The following DSCAM variants were observed in gnomAD, a reference collection of about 807,000 sequenced individuals.
DSCAM encodes cell adhesion molecule DSCAM.
A neutral mutation model predicts 217.7 loss-of-function variants in DSCAM; 47 were observed. That is an observed-to-expected ratio of 0.22 (90% CI 0.17 to 0.28). The LOEUF (loss-of-function observed/expected upper bound fraction) is 0.28. DSCAM is among the 10% of genes least tolerant of loss of function. DSCAM has a pLI of 1.00. For missense variants in DSCAM, 2,080 were observed against 2,618.3 expected, an observed-to-expected ratio of 0.79 and a Z score of 4.49; for synonymous variants, 1,056 against 1,015.3, an observed-to-expected ratio of 1.04 and a Z score of -0.76.
chr21:40,741,778 A>T (rs2091126516), intron 1 of DSCAM, among the ~76,000 whole-genome samples: 2 of 152,200 alleles, frequency 1.3e-5, no homozygotes, highest in Non-Finnish European at 2.9e-5. Context: ...TTTATTTTTT[A>T]AAATTTCCAC....
At chr21:40,460,064 G>A (rs752482480) in intron 3 of DSCAM, among the ~76,000 whole-genome samples, 5 of 152,144 alleles carry the variant, frequency 3.3e-5, no homozygotes, top group Non-Finnish European at 7.3e-5. Context: ...ACTTATAAGT[G>A]GGAGCTGAAC....
chr21:40,204,880 T>A (rs4818119), intron 11 of DSCAM, among the ~76,000 whole-genome samples: 78,451 of 151,790 alleles, frequency 0.52, 20,840 homozygotes, highest in African/African-American at 0.65. Flanking sequence ...CTGCTTTGTG[T>A]TATGGGCTTA....
intron 3 of DSCAM, among the ~76,000 whole-genome samples, chr21:40,663,560 C>A (rs2090166369): frequency 6.6e-6 from 1 of 152,166 alleles, no homozygotes; most frequent in African/African-American, 2.4e-5. Flanking sequence ...GGGCATGAGA[C>A]CAAGGTCATC....
chr21:40,566,653 T>C (rs998187818), intron 3 of DSCAM, among the ~76,000 whole-genome samples: 9 of 152,200 alleles, frequency 5.9e-5, no homozygotes, highest in African/African-American at 1.7e-4. Context: ...ACAGAATGCT[T>C]TGAAAATAAT....
intron 3 of DSCAM, among the ~76,000 whole-genome samples, chr21:40,375,365 G>A (rs2074939928): frequency 6.6e-6 from 1 of 152,206 alleles, no homozygotes; most frequent in Non-Finnish European, 1.5e-5. Flanking sequence ...GATGGTCTAT[G>A]ATAGTTTGGG....
In DSCAM at chr21:40,564,351, T is replaced by G. The variant is rs576944008; in HGVS notation, c.508+128459A>C. Among the ~76,000 whole-genome samples the G allele has an allele frequency of 1.4e-4, 21 of 152,248 alleles. 1 individual carries two copies. The South Asian group carries it at 4.4e-3, about 32-fold the overall frequency. On this transcript the variant is annotated intron_variant, in intron 3 of 32. Transcript: ENST00000400454. The stretch of plus-strand genomic sequence containing the variant: ...CAATGGTACGTTTGTCCCTTCCAAG[T>G]TCTTCACGGATGCCAGTAACTAATC...
chr21:40,536,470 C>T (rs1480717503), intron 3 of DSCAM, among the ~76,000 whole-genome samples: 34 of 147,358 alleles, frequency 2.3e-4, no homozygotes, highest in Admixed American at 8.2e-4. Context: ...GGCGCCATCT[C>T]GGCTCACTGC....
chr21:40,333,327 CTTTA>C (rs2074395929), intron 8 of DSCAM, among the ~76,000 whole-genome samples: 1 of 152,118 alleles, frequency 6.6e-6, no homozygotes, highest in East Asian at 1.9e-4. Context: ...GTATAATTTA[CTTTA>C]TATATTAATA....
chr21:40,527,128 G>C (rs2076406791), intron 3 of DSCAM, among the ~76,000 whole-genome samples: 1 of 152,058 alleles, frequency 6.6e-6, no homozygotes, highest in Non-Finnish European at 1.5e-5. Flanking sequence ...ATTCCTGATA[G>C]TGTCCCTATA....
chr21:40,401,947 A>G (rs1314914063), intron 3 of DSCAM, among the ~76,000 whole-genome samples: 1 of 152,066 alleles, frequency 6.6e-6, no homozygotes, highest in Non-Finnish European at 1.5e-5. Context: ...AACACTGGAC[A>G]ATAATCAAAT....
intron 1 of DSCAM, among the ~76,000 whole-genome samples, chr21:40,741,381 C>T (rs2091122199): frequency 6.6e-6 from 1 of 152,108 alleles, no homozygotes; most frequent in Admixed American, 6.5e-5. Context: ...CACATGCATG[C>T]ACTCTTCCAG....
intron 3 of DSCAM, among the ~76,000 whole-genome samples, chr21:40,452,237 T>TACACACACACACACACAC (rs71186937): frequency 0.02 from 2,836 of 144,400 alleles, 60 homozygotes; most frequent in African/African-American, 0.046. Flanking sequence ...TACACTATAT[T>TACACACACACACACACAC]ACACACACAC....
intron 11 of DSCAM, among the ~76,000 whole-genome samples, chr21:40,247,699 G>A (rs2146954199): frequency 6.6e-6 from 1 of 152,286 alleles, no homozygotes; most frequent in African/African-American, 2.4e-5. Context: ...ACTTTTGTAG[G>A]CACATGATGC....
rs535974799 is a variant in DSCAM, at chr21:40,201,397, C to T, written c.2357-12159G>A. Among the ~76,000 whole-genome samples, 82 of 151,042 alleles carry T rather than the reference C, an allele frequency of 5.4e-4. 1 individual carries two copies. Among genetic ancestry groups the T allele is most frequent in the Admixed American group, 1.2e-3 (18 of 15,194 alleles). On this transcript the variant is annotated intron_variant, in intron 11 of 32. Transcript: ENST00000400454. ...TCTTTCTTTTTTTTTTTCCATCTGT[C>T]TGGTTCTGTACATAGGTACTATATT...
chr21:40,777,315 T>C (rs1427537540), intron 1 of DSCAM, among the ~76,000 whole-genome samples: 1 of 152,174 alleles, frequency 6.6e-6, no homozygotes, highest in East Asian at 1.9e-4. Context: ...TTACAACATA[T>C]AAATTTGGTG....
intron 20 of DSCAM, among the ~76,000 whole-genome samples, chr21:40,118,725 GGCTA>G (rs367589968): frequency 2.6e-4 from 39 of 152,248 alleles, no homozygotes; most frequent in African/African-American, 8.7e-4. Flanking sequence ...TGCAAGCCAG[GGCTA>G]GCTATGTGTT....
intron 9 of DSCAM, among the ~76,000 whole-genome samples, chr21:40,304,330 A>T (rs2074048430): frequency 6.6e-6 from 1 of 152,246 alleles, no homozygotes; most frequent in Non-Finnish European, 1.5e-5. Flanking sequence ...TTCATAGAAG[A>T]GAGTTAGGGC....
rs767785432 is a variant in DSCAM at position 40,042,429 on chromosome 21, G to A, written c.5628C>T (p.Pro1876=). ...SGICRFTASP[P]KPQDGGRVMN... ...TTACTCTTCCTCCATCCTGAGGTTTGGGGGGAGATGCAGTGAACCTGCAGA... is the reference window on the plus strand; with the variant it reads ...TTACTCTTCCTCCATCCTGAGGTTTAGGGGGAGATGCAGTGAACCTGCAGA... Residue 1876 remains proline, a synonymous_variant, in exon 32 of 33, where the codon CCC becomes CCT. Transcript: ENST00000400454. The A allele has an allele frequency of 2.5e-6, 4 of 1,614,204 alleles. No homozygotes were observed. The highest frequency in any genetic ancestry group is 2.2e-5 in the East Asian group (1 of 44,882).
intron 11 of DSCAM, among the ~76,000 whole-genome samples, chr21:40,241,813 G>T (rs768819598): frequency 6.6e-6 from 1 of 152,200 alleles, no homozygotes; most frequent in Non-Finnish European, 1.5e-5. Context: ...ATACCATGCG[G>T]CCATAAAAAA....
Sources: allele counts gnomAD v4.1 joint callset (sites outside exome capture counted in the v4.1 genomes callset), GRCh38; gene constraint gnomAD v4.1.1; transcripts MANE v1.5; gene names NCBI Gene and HGNC (gene_info 2026-07-23, HGNC 2026-07-21).